The following RELN variants were observed in gnomAD, a reference collection of about 807,000 sequenced individuals.
RELN encodes reelin.
In RELN, 108 loss-of-function variants were observed where a neutral mutation model predicts 427.6. The ratio of observed to expected loss-of-function variants is 0.25; its 90% CI spans 0.22 to 0.30. RELN has a LOEUF of 0.30. Among genes scored for constraint, RELN ranks in the 10% least tolerant of loss-of-function variants. RELN has a pLI of 1.00. For synonymous variants in RELN, 1,524 were observed against 1,513.4 expected (o/e 1.01, Z -0.16); for missense variants, 3,715 against 4,302.8 (o/e 0.86, Z 3.82).
intron 16 of RELN, among the ~76,000 whole-genome samples, chr7:103,643,907 A>G (rs1476695631): frequency 6.6e-6 from 1 of 151,936 alleles, no homozygotes. Context: ...CCTGACTACC[A>G]AAAACATTTA....
At chr7:103,680,670 G>C (rs886313059) in intron 11 of RELN, among the ~76,000 whole-genome samples, 1 of 151,830 alleles carries the variant, frequency 6.6e-6, no homozygotes, top group South Asian at 2.1e-4. Flanking sequence ...AGCTAGAAGG[G>C]ACCAGAAACC....
At chr7:103,740,964 G>C (rs73180106) in intron 6 of RELN, among the ~76,000 whole-genome samples, 4,296 of 152,304 alleles carry the variant, frequency 0.028, 94 homozygotes, top group Middle Eastern at 0.15. Context: ...AGCATACCCA[G>C]GCACTTTGCT....
intron 2 of RELN, among the ~76,000 whole-genome samples, chr7:103,867,986 G>GC (rs1794240186): frequency 6.6e-6 from 1 of 151,908 alleles, no homozygotes; most frequent in Non-Finnish European, 1.5e-5. Flanking sequence ...GGCACCAAGT[G>GC]CCCTCCTGCT....
At chr7:103,548,487 T>C (rs1037164717) in intron 41 of RELN, among the ~76,000 whole-genome samples, 1 of 152,250 alleles carries the variant, frequency 6.6e-6, no homozygotes, top group Non-Finnish European at 1.5e-5. Context: ...GCTAATTCTT[T>C]TCCTGAAACA....
At chr7:103,611,376 A>C (rs1226221833) in intron 21 of RELN, among the ~76,000 whole-genome samples, 1 of 152,186 alleles carries the variant, frequency 6.6e-6, no homozygotes, top group Non-Finnish European at 1.5e-5. Flanking sequence ...CCAGTTTTGG[A>C]AGTTATTTTC....
intron 6 of RELN, among the ~76,000 whole-genome samples, chr7:103,730,811 T>C (rs1283459964): frequency 6.6e-6 from 1 of 152,128 alleles, no homozygotes; most frequent in Non-Finnish European, 1.5e-5. Context: ...GTCAACATAA[T>C]TTATTTTAAT....
At chr7:103,848,497 C>A (rs935382499) in intron 2 of RELN, among the ~76,000 whole-genome samples, 7 of 152,164 alleles carry the variant, frequency 4.6e-5, no homozygotes, top group Non-Finnish European at 8.8e-5. Flanking sequence ...AGCTACTTCC[C>A]CCCGAATCAA....
At chr7:103,613,050 A>G (rs1430461718) in intron 20 of RELN, among the ~76,000 whole-genome samples, 1 of 152,222 alleles carries the variant, frequency 6.6e-6, no homozygotes, top group African/African-American at 2.4e-5. Context: ...AAAGATGTCT[A>G]CCATTTGTGG....
intron 24 of RELN, among the ~76,000 whole-genome samples, chr7:103,598,481 G>A (rs1160910323): frequency 6.6e-6 from 1 of 152,162 alleles, no homozygotes; most frequent in Non-Finnish European, 1.5e-5. Context: ...AAACTCCTGT[G>A]AAAAACCTGG....
chr7:103,748,265 T>C (rs939009045), intron 6 of RELN, among the ~76,000 whole-genome samples: 1 of 152,074 alleles, frequency 6.6e-6, no homozygotes, highest in African/African-American at 2.4e-5. Flanking sequence ...TATAAGACTT[T>C]ATGACTAGAC....
chr7:103,732,280 C>T (rs1790373401), intron 6 of RELN, among the ~76,000 whole-genome samples: 1 of 152,040 alleles, frequency 6.6e-6, no homozygotes, highest in Non-Finnish European at 1.5e-5. Flanking sequence ...AATCAGATTG[C>T]CCATGGGCTA....
chr7:103,696,643 C>T (rs898378818), intron 10 of RELN, among the ~76,000 whole-genome samples: 2 of 152,062 alleles, frequency 1.3e-5, no homozygotes, highest in South Asian at 4.1e-4. Flanking sequence ...TCTGAAATAG[C>T]CACATTTTTC....
chr7:103,673,322 T>A (rs1833435912), intron 11 of RELN, among the ~76,000 whole-genome samples: 1 of 152,096 alleles, frequency 6.6e-6, no homozygotes, highest in Non-Finnish European at 1.5e-5. Flanking sequence ...TATTTAAAGT[T>A]TTCTATTAAC....
intron 2 of RELN, among the ~76,000 whole-genome samples, chr7:103,872,306 A>G (rs1794365929): frequency 7.4e-6 from 1 of 135,602 alleles, no homozygotes; most frequent in Non-Finnish European, 1.6e-5. Context: ...AAGTGAGAAT[A>G]TGCGGTGTTT....
At chr7:103,873,377 GA>G (rs1408553826) in intron 2 of RELN, among the ~76,000 whole-genome samples, 2 of 135,026 alleles carry the variant, frequency 1.5e-5, no homozygotes, top group Admixed American at 1.5e-4. Flanking sequence ...GAAGGAAACA[GA>G]GACACAAAAA....
intron 28 of RELN, among the ~76,000 whole-genome samples, chr7:103,586,199 TAAAA>T (rs1007199861): frequency 5.9e-5 from 9 of 151,764 alleles, no homozygotes; most frequent in Middle Eastern, 6.8e-3. Context: ...CCGTTTCTAC[TAAAA>T]AATACAAAAA....
At chr7:103,497,117 A>G (rs1316066630) in intron 55 of RELN, among the ~76,000 whole-genome samples, 2 of 152,234 alleles carry the variant, frequency 1.3e-5, no homozygotes, top group African/African-American at 2.4e-5. Context: ...CAGTATTAAA[A>G]TAGTTATTGT....
intron 17 of RELN, among the ~76,000 whole-genome samples, chr7:103,638,978 G>A (rs750201046): frequency 5.3e-5 from 8 of 152,176 alleles, no homozygotes; most frequent in Non-Finnish European, 1.0e-4. Context: ...GAAAATAAAA[G>A]TTGTCATTCT....
intron 52 of RELN, 67 bp from the exon 53 acceptor site, chr7:103,500,989 C>T (rs1003242571): frequency 4.3e-6 from 6 of 1,389,900 alleles, no homozygotes; most frequent in South Asian, 1.2e-5. Context: ...CATTGTCCTG[C>T]ATGTGTATTC....
Sources: allele counts gnomAD v4.1 joint callset (sites outside exome capture counted in the v4.1 genomes callset), GRCh38; gene constraint gnomAD v4.1.1; transcripts MANE v1.5; gene names NCBI Gene and HGNC (gene_info 2026-07-23, HGNC 2026-07-21).